The following DNAJC5B variants were observed in gnomAD, a reference collection of about 807,000 sequenced individuals.
The protein encoded by DNAJC5B is DnaJ heat shock protein family (Hsp40) member C5 beta, also known as dnaJ homolog subfamily C member 5B.
In DNAJC5B, 23 loss-of-function variants were observed where a neutral mutation model predicts 24.7. The observed-to-expected ratio is 0.93, with a 90% confidence interval of 0.67 to 1.32. The LOEUF is 1.32. Ranked by LOEUF, DNAJC5B falls within the 40% of genes most tolerant of loss-of-function variation. DNAJC5B has a pLI of 0.00. For missense variants in DNAJC5B, 238 were observed against 240.8 expected, an observed-to-expected ratio of 0.99 and a Z score of 0.08; for synonymous variants, 101 against 90.1, an observed-to-expected ratio of 1.12 and a Z score of -0.68.
chr8:66,036,156 C>T (rs958018177), intron 1 of DNAJC5B, among the ~76,000 whole-genome samples: 5 of 152,208 alleles, frequency 3.3e-5, no homozygotes, highest in Admixed American at 6.5e-5. Context: ...AACTCTTTGA[C>T]GTGCTCTGAG....
chr8:66,075,492 C>T (rs1807442236), intron 3 of DNAJC5B, among the ~76,000 whole-genome samples: 1 of 152,180 alleles, frequency 6.6e-6, no homozygotes, highest in Non-Finnish European at 1.5e-5. Context: ...GCATTTTATG[C>T]TATTAGCAAA....
upstream of DNAJC5B, among the ~76,000 whole-genome samples, chr8:66,019,880 G>A (rs1806064972): frequency 6.6e-6 from 1 of 152,200 alleles, no homozygotes; most frequent in Non-Finnish European, 1.5e-5. Flanking sequence ...AGAATTCACA[G>A]ATGTGGAATT....
upstream of DNAJC5B, among the ~76,000 whole-genome samples, chr8:66,020,592 CTCTGTGTGTG>C (rs1189551791): frequency 8.8e-5 from 12 of 136,202 alleles, no homozygotes; most frequent in South Asian, 4.9e-4. Flanking sequence ...GTAATCAATA[CTCTGTGTGTG>C]TGTGTGTGTG....
At position 66,100,098 on chromosome 8, in the gene DNAJC5B, G is replaced by A; in HGVS notation, c.*67G>A. The A allele has an allele frequency of 7.2e-7, 1 of 1,379,332 alleles. No homozygotes were observed. The highest frequency in any genetic ancestry group is 1.3e-5 in the South Asian group (1 of 78,252). 85.4% of individuals were successfully genotyped at this position (1,379,332 alleles called of 1,614,324 possible). A position where few individuals can be genotyped will look rare whatever the true frequency, so the allele number is the denominator to read the frequency against. ...AGTCTTGTCTCCAGATGGTCGTAGG[G>A]GAGCGTGTGGGGCATAAAGTGCTGT... is the stretch of plus-strand genomic sequence containing the variant. On this transcript the variant is annotated 3_prime_UTR_variant, in exon 6 of 6. Coordinates refer to ENST00000276570, the MANE Select transcript of DNAJC5B (RefSeq NM_033105.6).
At chr8:66,064,802 C>T (rs1270894669) in intron 3 of DNAJC5B, among the ~76,000 whole-genome samples, 1 of 152,096 alleles carries the variant, frequency 6.6e-6, no homozygotes, top group Admixed American at 6.5e-5. Flanking sequence ...GGTCCTCATC[C>T]CCTAAAGTAG....
At chr8:66,091,762 G>A (rs1210571186) in intron 5 of DNAJC5B, among the ~76,000 whole-genome samples, 1 of 152,056 alleles carries the variant, frequency 6.6e-6, no homozygotes, top group East Asian at 1.9e-4. Context: ...AGGGGAAAAA[G>A]GACTTGAGAG....
chr8:66,085,501 A>T (rs1807702772), intron 5 of DNAJC5B, among the ~76,000 whole-genome samples: 1 of 152,094 alleles, frequency 6.6e-6, no homozygotes, highest in South Asian at 2.1e-4. Context: ...TGAACCCGGG[A>T]GGTGGAGCTT....
intron 2 of DNAJC5B, among the ~76,000 whole-genome samples, chr8:66,051,198 A>G (rs1752984597): frequency 6.6e-6 from 1 of 152,200 alleles, no homozygotes; most frequent in Non-Finnish European, 1.5e-5. Context: ...AATTCCAGAA[A>G]AAAATGAAAG....
At chr8:66,030,214 C>T (rs1476434949) in intron 1 of DNAJC5B, among the ~76,000 whole-genome samples, 1 of 152,166 alleles carries the variant, frequency 6.6e-6, no homozygotes, top group Non-Finnish European at 1.5e-5. Context: ...CATGGTGCTC[C>T]TTGATGGCTA....
At chr8:66,099,852 T>C in intron 5 of DNAJC5B, 85 bp from the exon 6 acceptor site, 2 of 1,220,504 alleles carry the variant, frequency 1.6e-6, no homozygotes, top group Non-Finnish European at 2.3e-6. Context: ...CAGTCATGAA[T>C]TCAACAAAAA....
chr8:66,020,991 T>C (rs1027971950), upstream of DNAJC5B, among the ~76,000 whole-genome samples: 1 of 152,162 alleles, frequency 6.6e-6, no homozygotes, highest in Non-Finnish European at 1.5e-5. Flanking sequence ...CAAATCTCAA[T>C]GAAAACATTA....
intron 2 of DNAJC5B, among the ~76,000 whole-genome samples, chr8:66,050,194 C>G (rs1806815751): frequency 6.6e-6 from 1 of 152,180 alleles, no homozygotes; most frequent in East Asian, 1.9e-4. Flanking sequence ...GTTAGTCTGG[C>G]TTGACCATGC....
chr8:66,088,458 A>C (rs1807777287), intron 5 of DNAJC5B, among the ~76,000 whole-genome samples: 1 of 152,134 alleles, frequency 6.6e-6, no homozygotes, highest in Non-Finnish European at 1.5e-5. Flanking sequence ...ACTTATGCAA[A>C]TTTCTGCAGC....
chr8:66,019,187 A>G (rs1276291032), upstream of DNAJC5B, among the ~76,000 whole-genome samples: 1 of 152,242 alleles, frequency 6.6e-6, no homozygotes, highest in Non-Finnish European at 1.5e-5. Flanking sequence ...CTGGAGGAAG[A>G]CTGCTTTGAG....
chr8:66,071,617 T>A (rs540746725), intron 3 of DNAJC5B, among the ~76,000 whole-genome samples: 70 of 152,306 alleles, frequency 4.6e-4, no homozygotes, highest in African/African-American at 1.6e-3. Flanking sequence ...TGTAAATTAG[T>A]TCCACCTTGT....
chr8:66,053,062 A>T (rs1488573540), intron 3 of DNAJC5B, among the ~76,000 whole-genome samples: 1 of 152,082 alleles, frequency 6.6e-6, no homozygotes, highest in Non-Finnish European at 1.5e-5. Context: ...ACTTCAGGCT[A>T]GCTACTCAGG....
intron 4 of DNAJC5B, among the ~76,000 whole-genome samples, chr8:66,078,754 A>G (rs530419819): frequency 6.6e-6 from 1 of 152,196 alleles, no homozygotes; most frequent in Admixed American, 6.5e-5. Flanking sequence ...CATAGCAAAG[A>G]GATTATATGT....
intron 3 of DNAJC5B, chr8:66,056,394 C>T (rs995509854): frequency 6.6e-6 from 1 of 152,190 alleles, no homozygotes; most frequent in Non-Finnish European, 1.5e-5. Context: ...CTAGAGACCC[C>T]ACTTGACAGA....
At chr8:66,045,518 T>C (rs1806703724) in intron 2 of DNAJC5B, among the ~76,000 whole-genome samples, 1 of 152,240 alleles carries the variant, frequency 6.6e-6, no homozygotes, top group Admixed American at 6.5e-5. Context: ...CTACTGTGTC[T>C]TCCCGGGTGT....
Sources: allele counts gnomAD v4.1 joint callset (sites outside exome capture counted in the v4.1 genomes callset), GRCh38; gene constraint gnomAD v4.1.1; transcripts MANE v1.5; gene names NCBI Gene and HGNC (gene_info 2026-07-23, HGNC 2026-07-21).